HIVEP2: variants seen among roughly 807,000 people sequenced by gnomAD.
The protein encoded by HIVEP2 is transcription factor HIVEP2.
A neutral mutation model predicts 180.7 loss-of-function variants in HIVEP2; 14 were observed. The ratio of observed to expected loss-of-function variants is 0.08; its 90% CI spans 0.05 to 0.12. The LOEUF is 0.12. Ranked by LOEUF, HIVEP2 falls within the 10% of genes least tolerant of loss-of-function variation. HIVEP2 has a pLI of 1.00. For synonymous variants in HIVEP2, 1,184 were observed against 1,136.4 expected (o/e 1.04, Z -0.84); for missense variants, 2,579 against 3,008.5 (o/e 0.86, Z 3.34).
At chr6:142,859,689 C>G (rs1582919411) in intron 1 of HIVEP2, among the ~76,000 whole-genome samples, 1 of 151,058 alleles carries the variant, frequency 6.6e-6, no homozygotes, top group Non-Finnish European at 1.5e-5. Flanking sequence ...AAAAAATTAG[C>G]CGGGCATGGT....
At chr6:142,856,994 G>C (rs1775838725) in intron 1 of HIVEP2, among the ~76,000 whole-genome samples, 1 of 152,144 alleles carries the variant, frequency 6.6e-6, no homozygotes, top group Non-Finnish European at 1.5e-5. Context: ...AATCTAGTCA[G>C]GTGTTGCCCA....
At chr6:142,781,955 GA>G (rs1243655083) in intron 3 of HIVEP2, among the ~76,000 whole-genome samples, 1 of 152,060 alleles carries the variant, frequency 6.6e-6, no homozygotes, top group African/African-American at 2.4e-5. Context: ...CATTATCTCA[GA>G]AAAAAACCTT....
At chr6:142,889,514 T>C (rs910222013) in intron 1 of HIVEP2, among the ~76,000 whole-genome samples, 7 of 152,140 alleles carry the variant, frequency 4.6e-5, no homozygotes, top group Non-Finnish European at 1.0e-4. Flanking sequence ...CTAACTAGAC[T>C]AGATAAAAAG....
chr6:142,796,331 T>C (rs1776277621), intron 2 of HIVEP2, among the ~76,000 whole-genome samples: 1 of 152,132 alleles, frequency 6.6e-6, no homozygotes, highest in African/African-American at 2.4e-5. Context: ...CTGCATATGA[T>C]TTTTGACTCC....
intron 1 of HIVEP2, among the ~76,000 whole-genome samples, chr6:142,899,681 G>C (rs1212118661): frequency 3.3e-5 from 5 of 152,220 alleles, no homozygotes; most frequent in Admixed American, 3.3e-4. Context: ...CGAGAGTGCA[G>C]CTCAAAGTGT....
At position 142,812,527 on chromosome 6, in the gene HIVEP2, G is replaced by T. The variant is rs190451122; in HGVS notation, c.-528+24408C>A. Among the ~76,000 whole-genome samples the T allele has an allele frequency of 3.1e-3, 478 of 152,210 alleles. 1 individual carries two copies. Among genetic ancestry groups the T allele is most frequent in the Non-Finnish European group, 5.2e-3 (357 of 68,008 alleles). ...ATACCATGCCCCATAACAAACCTCC[G>T]TAAAATTTTTAGGAATTCAGAAGTT... is the stretch of plus-strand genomic sequence containing the variant. On this transcript the variant is annotated intron_variant, in intron 2 of 9. Transcript: ENST00000367603.
rs1582843755 is a variant in HIVEP2, at chr6:142,772,271, A to G, written c.2468T>C (p.Val823Ala). The G allele has an allele frequency of 6.2e-7, 1 of 1,614,222 alleles. No homozygotes were observed. The highest frequency in any genetic ancestry group is 1.1e-5 in the South Asian group (1 of 91,086). Residue 823 changes from valine to alanine, a missense_variant, in exon 5 of 10, where the codon GTG becomes GCG. Around this residue, in one of 11 missense-constraint regions of HIVEP2, gnomAD observed 524 missense variants for 563.6 expected, o/e 0.93. Coordinates refer to ENST00000367603, the MANE Select transcript of HIVEP2 (RefSeq NM_006734.4). The surrounding 1 kb of genome is among the most constrained non-coding windows in gnomAD (Gnocchi z 4.9). ...SFERSESAELVACTQDKAPSP... is the reference protein window; with the variant it reads ...SFERSESAELAACTQDKAPSP... ...AGGGGCTTTATCCTGTGTGCAAGCC[A>G]CAAGTTCGGCTGACTCAGACCTTTC...
chr6:142,914,497 A>C (rs1472583632), intron 1 of HIVEP2, among the ~76,000 whole-genome samples: 1 of 152,206 alleles, frequency 6.6e-6, no homozygotes, highest in Non-Finnish European at 1.5e-5. Flanking sequence ...TATTAAATTT[A>C]TGACTCTGAA....
rs764576064 is a variant in HIVEP2 at position 142,771,389 on chromosome 6, G to T, written c.3350C>A (p.Ser1117Tyr). Reference protein sequence around the residue: ...QLEHLHAGLRSGWHHGPPAVL... With the variant: ...QLEHLHAGLRYGWHHGPPAVL... ...AGCAGGCGGGCCATGGTGCCACCCGGACCGGAGGCCAGCATGCAGGTGCTC... is the reference window on the plus strand; with the variant it reads ...AGCAGGCGGGCCATGGTGCCACCCGTACCGGAGGCCAGCATGCAGGTGCTC... Residue 1117 changes from serine (S) to tyrosine (Y), a missense_variant, in exon 5 of 10, where the codon TCC (serine) becomes TAC (tyrosine). Physicochemically the swap from Ser to Tyr is moderately radical, Grantham distance 144. Around this residue, in one of 11 missense-constraint regions of HIVEP2, gnomAD observed 523 missense variants for 577.0 expected, o/e 0.91. Transcript: ENST00000367603. The surrounding 1 kb of genome is among the most constrained non-coding windows in gnomAD (Gnocchi z 5.4). The T allele has an allele frequency of 4.3e-6, 7 of 1,613,060 alleles. No individual in the cohort carries two copies. The highest frequency in any genetic ancestry group is 4.2e-6 in the Non-Finnish European group (5 of 1,179,956).
At position 142,772,269 on chromosome 6, in the gene HIVEP2, C is replaced by A. The variant is rs748519337; in HGVS notation, c.2470G>T (p.Ala824Ser). 2 of 1,614,218 alleles carry A rather than the reference C, an allele frequency of 1.2e-6. No homozygotes were observed. ...GAAGGGGCTTTATCCTGTGTGCAAG[C>A]CACAAGTTCGGCTGACTCAGACCTT... is the stretch of plus-strand genomic sequence containing the variant. The part of the protein sequence containing the change: ...FERSESAELV[A>S]CTQDKAPSPS... The change falls in exon 5 of 10, where the codon GCT becomes TCT. Residue 824 changes from alanine (A) to serine (S), a missense_variant. Physicochemically the swap from Ala to Ser is moderately conservative, Grantham distance 99 (BLOSUM62 1). This residue lies in a region of HIVEP2 where 524 missense variants were observed against 563.6 expected (regional missense o/e 0.93). Coordinates refer to ENST00000367603, the MANE Select transcript of HIVEP2 (RefSeq NM_006734.4). This position sits in a 1 kb window ranked among gnomAD's most constrained non-coding sequence, Gnocchi z 4.9.
intron 1 of HIVEP2, among the ~76,000 whole-genome samples, chr6:142,891,672 G>T (rs951994470): frequency 6.6e-6 from 1 of 152,082 alleles, no homozygotes; most frequent in Non-Finnish European, 1.5e-5. Flanking sequence ...ACCTCCCTGG[G>T]CCTTGCCCTC....
chr6:142,862,554 A>G (rs934085545), intron 1 of HIVEP2, among the ~76,000 whole-genome samples: 1 of 146,720 alleles, frequency 6.8e-6, no homozygotes, highest in African/African-American at 2.5e-5. Flanking sequence ...ATTTTATAAT[A>G]CACATAATCG....
At chr6:142,800,324 A>G (rs1325418239) in intron 2 of HIVEP2, among the ~76,000 whole-genome samples, 2 of 152,178 alleles carry the variant, frequency 1.3e-5, no homozygotes, top group East Asian at 3.9e-4. Flanking sequence ...CTCTGCCTCT[A>G]GTATGCAAAG....
Position 142,771,915 on chromosome 6 carries a change from G to A in HIVEP2, c.2824C>T (p.Leu942=), listed in dbSNP as rs754009662. The change falls in exon 5 of 10, where the codon CTG becomes TTG. Residue 942 remains leucine (L), a synonymous_variant. Coordinates refer to ENST00000367603, the MANE Select transcript of HIVEP2 (RefSeq NM_006734.4). This position sits in a 1 kb window ranked among gnomAD's most constrained non-coding sequence, Gnocchi z 5.4. ...GAGTGCTCCATATCTGCAAGTCGCA[G>A]ACGCTTCTTTTTGGGTGGCAACTTC... is the stretch of plus-strand genomic sequence containing the variant. The part of the protein sequence containing the change: ...AEKLPPKKKR[L]RLADMEHSSG... 8 of 1,614,234 alleles carry A rather than the reference G, an allele frequency of 5.0e-6. No homozygotes were observed. The highest frequency in any genetic ancestry group is 5.9e-6 in the Non-Finnish European group (7 of 1,180,044).
At chr6:142,883,789 G>A (rs1776632521) in intron 1 of HIVEP2, among the ~76,000 whole-genome samples, 2 of 152,094 alleles carry the variant, frequency 1.3e-5, no homozygotes, top group Non-Finnish European at 1.5e-5. Context: ...GATGCATTGT[G>A]AAGGCTTAAT....
At chr6:142,872,342 T>C (rs918530736) in intron 1 of HIVEP2, among the ~76,000 whole-genome samples, 2 of 152,160 alleles carry the variant, frequency 1.3e-5, no homozygotes, top group African/African-American at 4.8e-5. Flanking sequence ...TGGAATCGCT[T>C]CCATAAAGCA....
chr6:142,909,874 G>C (rs532590784), intron 1 of HIVEP2, among the ~76,000 whole-genome samples: 1 of 152,146 alleles, frequency 6.6e-6, no homozygotes, highest in Non-Finnish European at 1.5e-5. Context: ...CTACTGAGAT[G>C]CTTACATTTG....
intron 1 of HIVEP2, among the ~76,000 whole-genome samples, chr6:142,879,581 C>G (rs1415241959): frequency 6.6e-6 from 1 of 152,084 alleles, no homozygotes; most frequent in Admixed American, 6.6e-5. Context: ...GCAAGACCCC[C>G]TTCTCTCCTT....
chr6:142,822,213 A>G (rs1040600737), intron 2 of HIVEP2, among the ~76,000 whole-genome samples: 1 of 152,022 alleles, frequency 6.6e-6, no homozygotes, highest in Non-Finnish European at 1.5e-5. Context: ...GGCTGCCATG[A>G]CCTCCTTGGC....
Sources: allele counts gnomAD v4.1 joint callset (sites outside exome capture counted in the v4.1 genomes callset), GRCh38; gene constraint gnomAD v4.1.1; regional missense constraint gnomAD v4.1.1; non-coding constraint Gnocchi (gnomAD v3.1); transcripts MANE v1.5; gene names NCBI Gene and HGNC (gene_info 2026-07-23, HGNC 2026-07-21).